PKIB: variants seen among roughly 807,000 people sequenced by gnomAD.
The protein encoded by PKIB is PKI-beta.
A neutral mutation model predicts 4.5 loss-of-function variants in PKIB; 2 were observed. That is an observed-to-expected ratio of 0.44 (90% CI 0.18 to 1.39). The LOEUF (loss-of-function observed/expected upper bound fraction) is 1.39. Ranked by LOEUF, PKIB falls within the 40% of genes most tolerant of loss-of-function variation. The pLI, the probability that PKIB is intolerant of heterozygous loss-of-function variation, is 0.27. For missense variants in PKIB, 94 were observed against 92.6 expected (o/e 1.02, Z -0.06); for synonymous variants, 38 against 36.0 (o/e 1.06, Z -0.20).
intron 1 of PKIB, among the ~76,000 whole-genome samples, chr6:122,472,641 G>C (rs1415365203): frequency 6.6e-6 from 1 of 152,128 alleles, no homozygotes; most frequent in East Asian, 1.9e-4. Flanking sequence ...TAATAAGAAA[G>C]TGTTGTAAAA....
chr6:122,506,886 A>C (rs2114571469), intron 2 of PKIB, among the ~76,000 whole-genome samples: 1 of 151,338 alleles, frequency 6.6e-6, no homozygotes, highest in East Asian at 2.0e-4. Context: ...TATTTTTAGT[A>C]GAGACGGGGT....
chr6:122,539,968 T>A (rs890694185), intron 2 of PKIB, among the ~76,000 whole-genome samples: 2 of 152,126 alleles, frequency 1.3e-5, no homozygotes, highest in Non-Finnish European at 2.9e-5. Flanking sequence ...TTTATTTGGG[T>A]AGAGGTGTTG....
rs1309968140 is a variant in PKIB, at chr6:122,628,113, C to T, written c.-160-5170C>T. 9.2e-5 allele frequency among the ~76,000 whole-genome samples: 14 copies of T among 151,602 alleles called. No individual in the cohort carries two copies. In the East Asian group the frequency reaches 9.7e-4, roughly 11 times the overall value. On this transcript the variant is annotated intron_variant, in intron 1 of 4. Transcript: ENST00000368452. ...GTGCAATGGCGCAATCTTGGCTCAC[C>T]GCAACCTCCACCTCCCAGGTTCAAG...
At chr6:122,567,559 T>C (rs911025497) in intron 2 of PKIB, among the ~76,000 whole-genome samples, 3 of 152,200 alleles carry the variant, frequency 2.0e-5, no homozygotes, top group Non-Finnish European at 4.4e-5. Flanking sequence ...ATTTTTAAAT[T>C]AGCTAATTTA....
At chr6:122,637,679 T>C (rs2566828) in intron 2 of PKIB, among the ~76,000 whole-genome samples, 149,531 of 151,554 alleles carry the variant, frequency 0.99, 73,790 homozygotes, top group Middle Eastern at 1. Context: ...TGGCCTGAAC[T>C]CAGGAGACGG....
intron 3 of PKIB, among the ~76,000 whole-genome samples, chr6:122,704,754 T>TG (rs1288013108): frequency 4.8e-5 from 4 of 83,502 alleles, no homozygotes; most frequent in Non-Finnish European, 1.2e-4. Context: ...GTGTGTGTGT[T>TG]TATGTTTAGA....
At chr6:122,574,562 C>A (rs963927665) in intron 2 of PKIB, among the ~76,000 whole-genome samples, 29 of 152,084 alleles carry the variant, frequency 1.9e-4, no homozygotes, top group Non-Finnish European at 2.9e-5. Flanking sequence ...TAAAAATAGG[C>A]ATATAGACCA....
intron 4 of PKIB, among the ~76,000 whole-genome samples, chr6:122,718,241 G>T (rs1279152310): frequency 6.6e-6 from 1 of 152,130 alleles, no homozygotes; most frequent in Admixed American, 6.6e-5. Flanking sequence ...GAATACAAAG[G>T]TGAACAAATA....
At chr6:122,541,673 T>C (rs1777608717) in intron 2 of PKIB, among the ~76,000 whole-genome samples, 2 of 151,932 alleles carry the variant, frequency 1.3e-5, no homozygotes, top group African/African-American at 4.8e-5. Context: ...GGAGTTGCTC[T>C]TCTCGAGGAG....
chr6:122,669,779 T>G lies in PKIB; in HGVS notation c.-75-5299T>G, dbSNP rs147361698. 2.3e-3 allele frequency among the ~76,000 whole-genome samples: 352 copies of G among 152,276 alleles called. 1 individual carries two copies. Among genetic ancestry groups the G allele is most frequent in the African/African-American group, 8.1e-3 (338 of 41,568 alleles). On this transcript the variant is annotated intron_variant, in intron 2 of 4. Transcript: ENST00000368452. ...TTCCCTGGGCATAAAACCTTGAAAT[T>G]GTTTGAGTTCATCATTCTCCCTCAT...
intron 3 of PKIB, among the ~76,000 whole-genome samples, chr6:122,589,520 TCATCTC>T (rs1773955672): frequency 6.6e-6 from 1 of 152,156 alleles, no homozygotes; most frequent in Non-Finnish European, 1.5e-5. Context: ...TGATTTGATT[TCATCTC>T]CATGTCTTAA....
chr6:122,667,841 G>A (rs919068771), intron 2 of PKIB, among the ~76,000 whole-genome samples: 1 of 152,194 alleles, frequency 6.6e-6, no homozygotes, highest in Admixed American at 6.5e-5. Flanking sequence ...GATCTGAGTG[G>A]CTTTCAGGTT....
rs1453713956 is a variant in PKIB at position 122,718,288 on chromosome 6, A to G, written c.169+325A>G. ...TCAATGAGCTTTCAAGTTTATTAAG[A>G]AGTATTCATAAATAAAATAATTTTT... On this transcript the variant is annotated intron_variant, in intron 4 of 4. Coordinates refer to ENST00000368452, the MANE Select transcript of PKIB (RefSeq NM_181795.3). Among the ~76,000 whole-genome samples, 8 of 152,186 alleles carry G rather than the reference A, an allele frequency of 5.3e-5. No homozygotes were observed. In the East Asian group the frequency reaches 1.5e-3, roughly 29 times the overall value.
rs1777142937 is a variant in PKIB at position 122,527,973 on chromosome 6, A to G, written c.-248+50034A>G. Among the ~76,000 whole-genome samples the G allele has an allele frequency of 2.0e-5, 3 of 152,158 alleles. No homozygotes were observed. The South Asian group carries it at 6.2e-4, about 32-fold the overall frequency. The stretch of plus-strand genomic sequence containing the variant: ...TTCTATTCACTATTGAAAGTATTGA[A>G]GTCTCCTACTACTATTTTGCTGTTA... On this transcript the variant is annotated intron_variant, in intron 2 of 6. Coordinates refer to the PKIB transcript ENST00000392491.
At chr6:122,656,148 T>C (rs896031617) in intron 2 of PKIB, among the ~76,000 whole-genome samples, 2 of 152,190 alleles carry the variant, frequency 1.3e-5, no homozygotes, top group Admixed American at 6.5e-5. Context: ...TAAAAACAAT[T>C]GACTATGCAA....
intron 3 of PKIB, among the ~76,000 whole-genome samples, chr6:122,699,671 A>G (rs1778717975): frequency 6.6e-6 from 1 of 152,156 alleles, no homozygotes; most frequent in African/African-American, 2.4e-5. Context: ...CATGTTAATA[A>G]TTATTTTAAT....
intron 2 of PKIB, among the ~76,000 whole-genome samples, chr6:122,638,641 C>T (rs1209721200): frequency 6.6e-6 from 1 of 152,196 alleles, no homozygotes; most frequent in Non-Finnish European, 1.5e-5. Flanking sequence ...CTTCTAACCC[C>T]GATCATTTTC....
chr6:122,700,192 T>TTGTTG (rs1182924147), intron 3 of PKIB, among the ~76,000 whole-genome samples: 1 of 131,440 alleles, frequency 7.6e-6, no homozygotes, highest in Non-Finnish European at 1.5e-5. Flanking sequence ...GTTGTTGTTG[T>TTGTTG]TGGTTCCTCC....
intron 2 of PKIB, among the ~76,000 whole-genome samples, chr6:122,555,389 A>C (rs1290365614): frequency 6.6e-6 from 1 of 152,198 alleles, no homozygotes; most frequent in African/African-American, 2.4e-5. Context: ...GGCCATAAAA[A>C]CAGTTGGAAG....
Sources: allele counts gnomAD v4.1 joint callset (sites outside exome capture counted in the v4.1 genomes callset), GRCh38; gene constraint gnomAD v4.1.1; transcripts MANE v1.5; gene names NCBI Gene and HGNC (gene_info 2026-07-23, HGNC 2026-07-21).